The following TNFAIP8L3 variants were observed in gnomAD, a reference collection of about 807,000 sequenced individuals.
TNFAIP8L3 encodes tumor necrosis factor alpha-induced protein 8-like protein 3.
A neutral mutation model predicts 11.8 loss-of-function variants in TNFAIP8L3; 7 were observed. That is an observed-to-expected ratio of 0.59 (90% CI 0.34 to 1.11). The LOEUF is 1.11. Ranked by LOEUF, TNFAIP8L3 falls within the 50% of genes most tolerant of loss-of-function variation. TNFAIP8L3 has a pLI of 0.03. For missense variants in TNFAIP8L3, 219 were observed against 258.6 expected, an observed-to-expected ratio of 0.85 and a Z score of 1.05; for synonymous variants, 98 against 103.8, an observed-to-expected ratio of 0.94 and a Z score of 0.34.
At chr15:51,105,071 T>C (rs1344649182) in exon 1 of TNFAIP8L3, 1 of 1,614,210 alleles carries the variant, frequency 6.2e-7, no homozygotes, top group Admixed American at 1.7e-5. Context: ...GTGGCATCCC[T>C]TGTGCCTTGG....
chr15:51,101,338 A>G (rs528460696), intron 1 of TNFAIP8L3, among the ~76,000 whole-genome samples: 20 of 152,230 alleles, frequency 1.3e-4, no homozygotes, highest in African/African-American at 4.8e-4. Context: ...TATGTAAAAT[A>G]GTGCGGGGCG....
rs1056566106 is a variant in TNFAIP8L3 at position 51,057,966 on chromosome 15, A to C, written c.530T>G (p.Leu177Arg). The change falls in exon 2 of 2, where the codon CTC becomes CGC. Residue 177 changes from leucine to arginine, a missense_variant. Physicochemically the swap from Leu to Arg is moderately radical, Grantham distance 102. Transcript: ENST00000637513. ...CCTACAGTCTCCATCCAGACTATAG[A>C]GGGTGGAGAGGAACTCCACATCGGC... ...HFADVEFLST[L>R]YSLDGDCRPN... The C allele has an allele frequency of 5.6e-6, 9 of 1,614,036 alleles. No individual in the cohort carries two copies. The highest frequency in any genetic ancestry group is 2.7e-5 in the African/African-American group (2 of 74,938).
chr15:51,091,429 T>C (rs1490792107), intron 1 of TNFAIP8L3, among the ~76,000 whole-genome samples: 4 of 152,198 alleles, frequency 2.6e-5, no homozygotes, highest in African/African-American at 7.2e-5. Context: ...GGTTTACCAA[T>C]GGAATGTGGG....
chr15:51,078,466 T>TC (rs1251277166), intron 1 of TNFAIP8L3, among the ~76,000 whole-genome samples: 1 of 151,974 alleles, frequency 6.6e-6, no homozygotes, highest in African/African-American at 2.4e-5. Context: ...CTCCTTAGCC[T>TC]CCTCCAGGCC....
intron 1 of TNFAIP8L3, among the ~76,000 whole-genome samples, chr15:51,083,552 G>A (rs972809451): frequency 2.6e-5 from 4 of 152,250 alleles, no homozygotes; most frequent in South Asian, 2.1e-4. Context: ...GAGCAGCAGC[G>A]ACGCTGAGTT....
chr15:51,057,719 C>T lies in TNFAIP8L3; in HGVS notation c.*162G>A. 1 of 636,258 alleles carries T rather than the reference C, an allele frequency of 1.6e-6. No homozygotes were observed. Among genetic ancestry groups the T allele is most frequent in the Non-Finnish European group, 2.6e-6 (1 of 389,184 alleles). 39.4% of individuals were successfully genotyped at this position (636,258 alleles called of 1,614,324 possible). On this transcript the variant is annotated 3_prime_UTR_variant, in exon 2 of 2. Transcript: ENST00000637513. ...TGCTAGAAAGCTTGGAAGAAAAACA[C>T]ACCTGAGCTCAGTTCAGCATCAGAA...
chr15:51,074,335 T>C (rs1378062032), intron 1 of TNFAIP8L3, among the ~76,000 whole-genome samples: 2 of 152,212 alleles, frequency 1.3e-5, no homozygotes, highest in Non-Finnish European at 2.9e-5. Flanking sequence ...TTTTTGACAA[T>C]AGCACATGCC....
At chr15:51,061,181 T>G (rs1164400927) in intron 1 of TNFAIP8L3, among the ~76,000 whole-genome samples, 1 of 152,180 alleles carries the variant, frequency 6.6e-6, no homozygotes, top group African/African-American at 2.4e-5. Flanking sequence ...TTTATTTTGT[T>G]TTTTGAGATG....
chr15:51,073,359 G>A lies in TNFAIP8L3; in HGVS notation c.53-14916C>T, dbSNP rs61577441. ...TTAACATGACATGTCTCTCCATTTAGTCATATCTTCTTCTGTGTCCTTCAA... is the reference window on the plus strand; with the variant it reads ...TTAACATGACATGTCTCTCCATTTAATCATATCTTCTTCTGTGTCCTTCAA... On this transcript the variant is annotated intron_variant, in intron 1 of 1. Transcript: ENST00000637513. Among the ~76,000 whole-genome samples, 1,248 of 152,216 alleles carry A rather than the reference G, an allele frequency of 8.2e-3. 27 individuals carry two copies. The highest frequency in any genetic ancestry group is 0.028 in the African/African-American group (1,182 of 41,532).
Position 51,078,871 on chromosome 15 carries a change from CCT to C in TNFAIP8L3, c.52+15671_52+15672del, listed in dbSNP as rs939801745. Among the ~76,000 whole-genome samples the C allele has an allele frequency of 5.9e-5, 9 of 152,262 alleles. No homozygotes were observed. In the South Asian group the frequency reaches 1.0e-3, roughly 18 times the overall value. ...CTTTAAATGCACCTGCCTTCCTCTG[CCT>C]CTCTTTCGCTACCTCAGTACAGACC... On this transcript the variant is annotated intron_variant, in intron 1 of 1. Transcript: ENST00000637513.
intron 1 of TNFAIP8L3, among the ~76,000 whole-genome samples, chr15:51,087,919 T>TTTTATATATATATATATATATATATATA (rs1281675922): frequency 4.9e-5 from 5 of 101,548 alleles, no homozygotes; most frequent in African/African-American, 1.9e-4. Flanking sequence ...TAGCATACCT[T>TTTTATATATATATATATATATATATATA]TATATATATA....
chr15:51,075,417 C>T (rs1448959002), intron 1 of TNFAIP8L3, among the ~76,000 whole-genome samples: 1 of 152,158 alleles, frequency 6.6e-6, no homozygotes, highest in Non-Finnish European at 1.5e-5. Flanking sequence ...CCTGGAGCCT[C>T]CCCATTTACG....
chr15:51,086,308 A>T (rs894639842), intron 1 of TNFAIP8L3, among the ~76,000 whole-genome samples: 1 of 152,152 alleles, frequency 6.6e-6, no homozygotes, highest in Non-Finnish European at 1.5e-5. Flanking sequence ...GCTTTGTGCT[A>T]ACTCTCCCAT....
intron 1 of TNFAIP8L3, among the ~76,000 whole-genome samples, chr15:51,089,717 A>T (rs969403775): frequency 1.3e-5 from 2 of 152,252 alleles, no homozygotes; most frequent in Non-Finnish European, 1.5e-5. Context: ...CAAAGTTCTT[A>T]GGAGGTTCCT....
intron 1 of TNFAIP8L3, among the ~76,000 whole-genome samples, chr15:51,102,101 G>A (rs7178693): frequency 0.04 from 6,064 of 152,142 alleles, 130 homozygotes; most frequent in African/African-American, 0.05. Context: ...GGGGTATTGT[G>A]GGAGGCTGGA....
intron 1 of TNFAIP8L3, among the ~76,000 whole-genome samples, chr15:51,082,758 T>C (rs552180141): frequency 6.6e-6 from 1 of 152,282 alleles, no homozygotes; most frequent in East Asian, 1.9e-4. Flanking sequence ...TTTAAACTTT[T>C]TTGTTAAAAA....
chr15:51,093,419 G>A (rs1331708470), intron 1 of TNFAIP8L3, among the ~76,000 whole-genome samples: 2 of 152,206 alleles, frequency 1.3e-5, no homozygotes, highest in Non-Finnish European at 2.9e-5. Flanking sequence ...CCTGGCCAGG[G>A]GCTGTGAGGA....
At chr15:51,102,148 A>G (rs998170709) in intron 1 of TNFAIP8L3, among the ~76,000 whole-genome samples, 4 of 152,046 alleles carry the variant, frequency 2.6e-5, no homozygotes, top group Admixed American at 2.6e-4. Flanking sequence ...AAACTGAGAC[A>G]TGGAAAGGAA....
chr15:51,097,405 A>G (rs2065520902), upstream of TNFAIP8L3, among the ~76,000 whole-genome samples: 1 of 152,222 alleles, frequency 6.6e-6, no homozygotes, highest in Non-Finnish European at 1.5e-5. Context: ...TGCTTTGGGC[A>G]TGGGGGGGAG....
Sources: gnomAD v4.1 joint callset for allele counts (sites outside exome capture counted in the v4.1 genomes callset) on GRCh38, gnomAD v4.1.1 for gene constraint, MANE v1.5 for transcripts, NCBI Gene and HGNC (gene_info 2026-07-23, HGNC 2026-07-21) for gene names.